CTNNA3: variants seen among roughly 807,000 people sequenced by gnomAD.
CTNNA3 encodes catenin alpha-3.
CTNNA3 carries 76 observed loss-of-function variants against 95.7 expected under a neutral mutation model. The observed-to-expected ratio is 0.79, with a 90% CI of 0.66 to 0.96. The LOEUF (loss-of-function observed/expected upper bound fraction) is 0.96. Among genes scored for constraint, CTNNA3 ranks in the 40% least tolerant of loss-of-function variants. CTNNA3 has a pLI of 0.00. For synonymous variants in CTNNA3, 431 were observed against 374.4 expected (o/e 1.15, Z -1.74); for missense variants, 1,191 against 1,089.8 (o/e 1.09, Z -1.31).
chr10:66,776,973 A>G lies in CTNNA3; in HGVS notation c.1048-1449T>C, dbSNP rs137876044. Among the ~76,000 whole-genome samples the G allele has an allele frequency of 7.5e-4, 114 of 152,272 alleles. 1 individual carries two copies. The East Asian group carries it at 0.019, about 26-fold the overall frequency. On this transcript the variant is annotated intron_variant, in intron 7 of 17. Transcript: ENST00000433211. ...AGCAATTTAATTCAAAACACAACAT[A>G]GTTTGATTAGAGGCCTACTGTTTTC...
At position 66,654,211 on chromosome 10, in the gene CTNNA3, T is replaced by C. The variant is rs28825192; in HGVS notation, c.1282-32427A>G. On this transcript the variant is annotated intron_variant, in intron 9 of 17. Transcript: ENST00000433211. ...AAAATATTGTAAACCATATATCTGA[T>C]AAGGAGTTAATACCAAAAATGTATG... 8.0e-3 allele frequency among the ~76,000 whole-genome samples: 1,215 copies of C among 152,098 alleles called. 18 individuals are homozygous for C. Among genetic ancestry groups the C allele is most frequent in the African/African-American group, 0.028 (1,167 of 41,518 alleles).
intron 11 of CTNNA3, among the ~76,000 whole-genome samples, chr10:66,480,617 T>A (rs977877848): frequency 2.6e-5 from 4 of 151,116 alleles, no homozygotes; most frequent in African/African-American, 9.9e-5. Flanking sequence ...ATTTATTTTT[T>A]TTTTTGAGAC....
intron 13 of CTNNA3, among the ~76,000 whole-genome samples, chr10:66,187,913 T>A (rs993854339): frequency 2.0e-5 from 3 of 152,100 alleles, no homozygotes; most frequent in Non-Finnish European, 2.9e-5. Context: ...GAATAGAAAC[T>A]GTCCCTAAGG....
chr10:67,697,709 T>C (rs1840993528), upstream of CTNNA3, among the ~76,000 whole-genome samples: 1 of 152,170 alleles, frequency 6.6e-6, no homozygotes, highest in Non-Finnish European at 1.5e-5. Context: ...TTAAATATTA[T>C]AAATATCTGA....
At chr10:66,188,070 T>C (rs1229475463) in intron 13 of CTNNA3, among the ~76,000 whole-genome samples, 1 of 151,610 alleles carries the variant, frequency 6.6e-6, no homozygotes, top group East Asian at 1.9e-4. Context: ...AATTTTGGAG[T>C]TGAGAAATAC....
chr10:66,518,717 C>T (rs1164526757), intron 11 of CTNNA3, among the ~76,000 whole-genome samples: 1 of 151,586 alleles, frequency 6.6e-6, no homozygotes, highest in Non-Finnish European at 1.5e-5. Flanking sequence ...GCATGATACA[C>T]ATTTGAAAAT....
chr10:67,413,979 G>GT (rs1312487378), intron 5 of CTNNA3, among the ~76,000 whole-genome samples: 1 of 152,048 alleles, frequency 6.6e-6, no homozygotes, highest in African/African-American at 2.4e-5. Flanking sequence ...TCATCAAGAA[G>GT]TTAGAAAGGT....
chr10:66,553,980 T>C (rs762677212), intron 10 of CTNNA3, among the ~76,000 whole-genome samples: 1 of 152,164 alleles, frequency 6.6e-6, no homozygotes, highest in African/African-American at 2.4e-5. Context: ...ATTATTTTAT[T>C]GTGTCACTGC....
intron 14 of CTNNA3, among the ~76,000 whole-genome samples, chr10:66,094,122 C>A (rs987964209): frequency 1.3e-5 from 2 of 152,042 alleles, no homozygotes; most frequent in African/African-American, 4.8e-5. Flanking sequence ...GAAGGCTGGG[C>A]TAATCTGGAA....
intron 3 of CTNNA3, among the ~76,000 whole-genome samples, chr10:67,563,876 A>G (rs1006303929): frequency 2.1e-5 from 3 of 145,476 alleles, no homozygotes; most frequent in Non-Finnish European, 4.6e-5. Context: ...TATGCAGCCA[A>G]CAGACACATG....
intron 7 of CTNNA3, among the ~76,000 whole-genome samples, chr10:66,959,078 G>A (rs1848984938): frequency 6.6e-6 from 1 of 152,056 alleles, no homozygotes; most frequent in Non-Finnish European, 1.5e-5. Flanking sequence ...TATCCACAGG[G>A]TAGATGTTGA....
intron 3 of CTNNA3, among the ~76,000 whole-genome samples, chr10:67,602,957 T>C (rs189166825): frequency 1.3e-5 from 2 of 152,248 alleles, no homozygotes; most frequent in Admixed American, 6.5e-5. Flanking sequence ...TTTTAATTTA[T>C]TTAACAAACG....
chr10:67,657,339 G>A (rs911081284), intron 1 of CTNNA3, among the ~76,000 whole-genome samples: 2 of 152,136 alleles, frequency 1.3e-5, no homozygotes, highest in African/African-American at 4.8e-5. Flanking sequence ...GGGTTTGAAA[G>A]AGAAATCTGA....
At chr10:66,609,227 AT>A (rs902088615) in intron 10 of CTNNA3, among the ~76,000 whole-genome samples, 5 of 150,678 alleles carry the variant, frequency 3.3e-5, no homozygotes, top group African/African-American at 1.2e-4. Context: ...GCCAGGCTAA[AT>A]TTTTTTTGTA....
At chr10:67,047,546 C>A (rs1490538943) in intron 7 of CTNNA3, among the ~76,000 whole-genome samples, 1 of 152,086 alleles carries the variant, frequency 6.6e-6, no homozygotes, top group East Asian at 1.9e-4. Context: ...CTTGTCTGAC[C>A]ACTTATCTAC....
intron 7 of CTNNA3, among the ~76,000 whole-genome samples, chr10:67,047,636 T>C (rs1309248353): frequency 6.6e-6 from 1 of 152,142 alleles, no homozygotes; most frequent in East Asian, 1.9e-4. Flanking sequence ...ATTCAGCAAG[T>C]TGCTACTATA....
chr10:66,303,459 C>T (rs1425977713), intron 12 of CTNNA3, among the ~76,000 whole-genome samples: 1 of 152,010 alleles, frequency 6.6e-6, no homozygotes, highest in African/African-American at 2.4e-5. Flanking sequence ...TGCATTTATA[C>T]TTGATTATGT....
chr10:67,713,676 AAC>A (rs1841125655), intron 1 of CTNNA3, among the ~76,000 whole-genome samples: 1 of 152,226 alleles, frequency 6.6e-6, no homozygotes, highest in African/African-American at 2.4e-5. Context: ...TCAGCAAACT[AAC>A]ACAGGAACAG....
chr10:67,524,023 C>A (rs970431962), intron 4 of CTNNA3, among the ~76,000 whole-genome samples: 5 of 152,176 alleles, frequency 3.3e-5, no homozygotes, highest in African/African-American at 9.7e-5. Flanking sequence ...ATTAGCTCTA[C>A]TTCTTAAAAT....
Sources: gnomAD v4.1 joint callset for allele counts (sites outside exome capture counted in the v4.1 genomes callset) on GRCh38, gnomAD v4.1.1 for gene constraint, MANE v1.5 for transcripts, NCBI Gene and HGNC (gene_info 2026-07-23, HGNC 2026-07-21) for gene names.